The following DNAH12 variants were observed in gnomAD, a reference collection of about 807,000 sequenced individuals.
The protein encoded by DNAH12 is dynein axonemal heavy chain 12.
DNAH12 carries 285 observed loss-of-function variants against 371.5 expected under a neutral mutation model. The ratio of observed to expected loss-of-function variants is 0.77; its 90% CI spans 0.70 to 0.85. The LOEUF is 0.85. DNAH12 is among the 40% of genes least tolerant of loss of function. The pLI is 0.00. For missense variants in DNAH12, 3,611 were observed against 3,689.4 expected (o/e 0.98, Z 0.55); for synonymous variants, 1,200 against 1,213.0 (o/e 0.99, Z 0.22).
At chr3:57,547,845 T>C (rs1490037292), upstream of DNAH12, among the ~76,000 whole-genome samples, 6 of 152,236 alleles carry the variant, frequency 3.9e-5, no homozygotes, top group Admixed American at 6.5e-5. Context: ...GTTTTTACCA[T>C]TGGAGTTTCT....
chr3:57,531,259 T>C (rs1207393354), intron 2 of DNAH12, among the ~76,000 whole-genome samples: 1 of 152,214 alleles, frequency 6.6e-6, no homozygotes, highest in Admixed American at 6.5e-5. Flanking sequence ...TCTTTATTTC[T>C]CTTTCATGTT....
chr3:57,450,497 G>T (rs573616543), intron 25 of DNAH12, among the ~76,000 whole-genome samples: 2 of 151,652 alleles, frequency 1.3e-5, no homozygotes, highest in Non-Finnish European at 2.9e-5. Context: ...GTGGTAAGCC[G>T]AGATCGCACC....
At chr3:57,538,639 C>A (rs960349841) in intron 2 of DNAH12, among the ~76,000 whole-genome samples, 8 of 152,210 alleles carry the variant, frequency 5.3e-5, no homozygotes, top group African/African-American at 1.9e-4. Flanking sequence ...CTTACACTAC[C>A]TGCTGGTTGA....
chr3:57,525,485 G>A (rs1391152820), intron 2 of DNAH12, among the ~76,000 whole-genome samples: 1 of 152,142 alleles, frequency 6.6e-6, no homozygotes, highest in Non-Finnish European at 1.5e-5. Context: ...GATGGGTGGG[G>A]ATGTTGAAAG....
Position 57,384,707 on chromosome 3 carries a change from T to C in DNAH12, c.7860+122A>G, listed in dbSNP as rs941788421. The C allele has an allele frequency of 5.3e-5, 8 of 152,314 alleles. No individual in the cohort carries two copies. In the East Asian group the frequency reaches 1.2e-3, roughly 22 times the overall value. 9.4% of individuals were successfully genotyped at this position (152,314 alleles called of 1,614,324 possible). A position where few individuals can be genotyped will look rare whatever the true frequency, so the allele number is the denominator to read the frequency against. ...GTAAACTGTTAAGAGCCAAGTTTCATTTGACTGGACAAAAACAATATAATA... is the reference window on the plus strand; with the variant it reads ...GTAAACTGTTAAGAGCCAAGTTTCACTTGACTGGACAAAAACAATATAATA... On this transcript the variant is annotated intron_variant, in intron 49 of 73. Transcript: ENST00000495027.
intron 25 of DNAH12, among the ~76,000 whole-genome samples, chr3:57,448,240 G>C (rs1180688820): frequency 6.6e-6 from 1 of 152,170 alleles, no homozygotes; most frequent in Non-Finnish European, 1.5e-5. Context: ...GGTCGGATGT[G>C]TTGGGAGTTT....
intron 72 of DNAH12, among the ~76,000 whole-genome samples, 195 bp from the exon 73 acceptor site, chr3:57,295,787 G>C (rs969914486): frequency 6.6e-6 from 1 of 152,190 alleles, no homozygotes; most frequent in Non-Finnish European, 1.5e-5. Context: ...AAGGCAAAGG[G>C]TAAACAGTGG....
chr3:57,327,265 A>G (rs1461860335), intron 62 of DNAH12, among the ~76,000 whole-genome samples: 1 of 151,966 alleles, frequency 6.6e-6, no homozygotes, highest in Non-Finnish European at 1.5e-5. Context: ...CATTTTTTTC[A>G]GCACCACACT....
chr3:57,548,941 G>GC (rs1553726998), upstream of DNAH12: 1 of 152,124 alleles, frequency 6.6e-6, no homozygotes, highest in Non-Finnish European at 1.5e-5. Flanking sequence ...GCATTCCATA[G>GC]TTTTTTTAAA....
intron 17 of DNAH12, among the ~76,000 whole-genome samples, chr3:57,466,802 G>C (rs2066216579): frequency 6.6e-6 from 1 of 152,074 alleles, no homozygotes; most frequent in Non-Finnish European, 1.5e-5. Context: ...CAGGAGTGCG[G>C]CAGTATAATC....
intron 34 of DNAH12, among the ~76,000 whole-genome samples, chr3:57,426,968 A>T (rs2064790567): frequency 6.6e-6 from 1 of 152,040 alleles, no homozygotes; most frequent in Non-Finnish European, 1.5e-5. Context: ...ACTATAAGGG[A>T]CTTTGTCTAT....
chr3:57,389,261 T>A (rs2063559928), intron 45 of DNAH12, among the ~76,000 whole-genome samples: 1 of 151,964 alleles, frequency 6.6e-6, no homozygotes, highest in Admixed American at 6.6e-5. Flanking sequence ...GAGGCTTATA[T>A]TTATGTTCTG....
intron 13 of DNAH12, among the ~76,000 whole-genome samples, chr3:57,482,480 T>TAAACTAGTTCAACCATTGTGGA (rs2066778585): frequency 6.6e-6 from 1 of 152,044 alleles, no homozygotes; most frequent in Non-Finnish European, 1.5e-5. Flanking sequence ...GGTGGGACTG[T>TAAACTAGTTCAACCATTGTGGA]AAACTAGTTC....
At chr3:57,415,371 A>T in intron 38 of DNAH12, 55 bp downstream of exon 38, 2 of 1,527,908 alleles carry the variant, frequency 1.3e-6, no homozygotes, top group Non-Finnish European at 1.8e-6. Context: ...TTAAACACTG[A>T]GCAAATAAGA....
rs565501845 is a variant in DNAH12, at chr3:57,429,016, C to T, written c.5065-195G>A. Among the ~76,000 whole-genome samples the T allele has an allele frequency of 3.9e-5, 6 of 152,302 alleles. No individual in the cohort carries two copies. In the South Asian group the frequency reaches 1.2e-3, roughly 32 times the overall value. On this transcript the variant is annotated intron_variant, in intron 33 of 73. Coordinates refer to ENST00000495027, the MANE Select transcript of DNAH12 (RefSeq NM_001366028.2). ...TCAGTTCCCCAGATATGTAAAGGCTCCATGTCTTTAAACATTATCTCGATC... is the reference window on the plus strand; with the variant it reads ...TCAGTTCCCCAGATATGTAAAGGCTTCATGTCTTTAAACATTATCTCGATC...
chr3:57,333,329 C>CTTTTTTTTTTTTTTTTTTTTTT lies in DNAH12; in HGVS notation c.9978+1135_9978+1136insAAAAAAAAAAAAAAAAAAAAAA, dbSNP rs34135477. On this transcript the variant is annotated intron_variant, in intron 62 of 73. Transcript: ENST00000495027. ...CGGATACATGTTCTTTTTAAGGCAA[C>CTTTTTTTTTTTTTTTTTTTTTT]TTTTTTTTTTTTTTTTTTTTAGATG... Among the ~76,000 whole-genome samples the CTTTTTTTTTTTTTTTTTTTTTT allele has an allele frequency of 2.3e-4, 26 of 111,078 alleles. 3 individuals are homozygous for CTTTTTTTTTTTTTTTTTTTTTT. Among genetic ancestry groups the CTTTTTTTTTTTTTTTTTTTTTT allele is most frequent in the African/African-American group, 1.1e-3 (24 of 21,912 alleles). 72.9% of individuals were successfully genotyped at this position (111,078 alleles called of 152,430 possible). A position where few individuals can be genotyped will look rare whatever the true frequency, so the allele number is the denominator to read the frequency against.
At chr3:57,389,822 G>GTGTGTGTGTGTGTGTGTGTGTC in intron 45 of DNAH12, among the ~76,000 whole-genome samples, 1 of 45,862 alleles carries the variant, frequency 2.2e-5, no homozygotes, top group East Asian at 9.3e-4. Flanking sequence ...GTGTGTGTGT[G>GTGTGTGTGTGTGTGTGTGTGTC]TATATATATA....
Position 57,458,155 on chromosome 3 carries a change from C to T in DNAH12, c.2997G>A (p.Glu999=). The T allele has an allele frequency of 6.5e-7, 1 of 1,550,176 alleles. No individual in the cohort carries two copies. Among genetic ancestry groups the T allele is most frequent in the Non-Finnish European group, 8.7e-7 (1 of 1,146,634 alleles). The change falls in exon 21 of 74, where the codon GAG becomes GAA. Residue 999 remains glutamate (E), a synonymous_variant. Transcript: ENST00000495027. ...EKLQNCNELL[E]KIMKGLNAYL... ...ATGCGTTAAGACCTTTCATAATTTT[C>T]TCCAAAAGTTCATTGCAGTTCTGTA...
chr3:57,537,963 G>A (rs543593360), intron 2 of DNAH12, among the ~76,000 whole-genome samples: 8 of 152,144 alleles, frequency 5.3e-5, no homozygotes, highest in Non-Finnish European at 1.0e-4. Flanking sequence ...GATTACAGGC[G>A]TGAGCCACCA....
Sources: allele counts gnomAD v4.1 joint callset (sites outside exome capture counted in the v4.1 genomes callset), GRCh38; gene constraint gnomAD v4.1.1; transcripts MANE v1.5; gene names NCBI Gene and HGNC (gene_info 2026-07-23, HGNC 2026-07-21).